The following ZBTB20 variants were observed in gnomAD, a reference collection of about 807,000 sequenced individuals.
ZBTB20 encodes zinc finger and BTB domain containing 20.
In ZBTB20, 9 loss-of-function variants were observed where a neutral mutation model predicts 56.9. The observed-to-expected ratio is 0.16, with a 90% CI of 0.10 to 0.28. The LOEUF (loss-of-function observed/expected upper bound fraction) is 0.28, where lower values mean the gene tolerates loss of function less well. Among genes scored for constraint, ZBTB20 ranks in the 10% least tolerant of loss-of-function variants. The probability of loss-of-function intolerance (pLI) is 1.00; values close to 1 mark genes in which losing one functional copy is unlikely to be tolerated. For synonymous variants in ZBTB20, 417 were observed against 420.7 expected (o/e 0.99, Z 0.11); for missense variants, 655 against 1,003.0 (o/e 0.65, Z 4.69).
intron 1 of ZBTB20, chr3:115,100,669 A>G (rs2083555131): frequency 6.6e-6 from 1 of 152,240 alleles, no homozygotes; most frequent in Non-Finnish European, 1.5e-5. Flanking sequence ...TTTATGCTCC[A>G]TTATGAGGAA....
At chr3:114,770,701 T>C (rs2702169) in intron 5 of ZBTB20, among the ~76,000 whole-genome samples, 2,019 of 152,326 alleles carry the variant, frequency 0.013, 53 homozygotes, top group African/African-American at 0.044. Flanking sequence ...GTAAAGTGTA[T>C]TGTATCATAC....
intron 11 of ZBTB20, among the ~76,000 whole-genome samples, chr3:114,344,088 G>T (rs564492344): frequency 1.3e-5 from 2 of 152,108 alleles, no homozygotes; most frequent in Admixed American, 1.3e-4. Context: ...AGATATCAGC[G>T]GTGTGATTGC....
At chr3:115,115,028 C>T (rs544485397) in intron 1 of ZBTB20, among the ~76,000 whole-genome samples, 1 of 152,198 alleles carries the variant, frequency 6.6e-6, no homozygotes, top group African/African-American at 2.4e-5. Context: ...CATTCTCCAT[C>T]TTATTACAAA....
intron 6 of ZBTB20, among the ~76,000 whole-genome samples, chr3:114,641,310 T>C (rs2059545671): frequency 6.6e-6 from 1 of 151,926 alleles, no homozygotes; most frequent in Non-Finnish European, 1.5e-5. Flanking sequence ...TGGACATTGA[T>C]GGCCTGCAAA....
chr3:114,869,513 A>C (rs6795818), intron 4 of ZBTB20, among the ~76,000 whole-genome samples: 3 of 152,170 alleles, frequency 2.0e-5, no homozygotes, highest in African/African-American at 7.2e-5. Flanking sequence ...TAGTAATACT[A>C]GATTAAGTAC....
chr3:114,981,905 T>C (rs892001361), intron 2 of ZBTB20, among the ~76,000 whole-genome samples: 2 of 152,054 alleles, frequency 1.3e-5, no homozygotes, highest in Non-Finnish European at 2.9e-5. Context: ...AACACAAGTC[T>C]ACTTCTTCAC....
intron 7 of ZBTB20, among the ~76,000 whole-genome samples, chr3:114,399,020 T>G (rs916082678): frequency 1.3e-5 from 2 of 152,140 alleles, no homozygotes; most frequent in African/African-American, 4.8e-5. Context: ...GCAGGTTGTC[T>G]CGGGCTAGTG....
At chr3:114,865,845 G>A (rs373500134) in intron 4 of ZBTB20, among the ~76,000 whole-genome samples, 173 of 152,160 alleles carry the variant, frequency 1.1e-3, no homozygotes, top group Non-Finnish European at 1.6e-3. Context: ...ATGTGACTCC[G>A]GGAAAGATAC....
chr3:114,573,517 G>A (rs2053667562), intron 6 of ZBTB20, among the ~76,000 whole-genome samples: 2 of 113,612 alleles, frequency 1.8e-5, no homozygotes, highest in Admixed American at 8.9e-5. Context: ...AGAAAAGAAA[G>A]AAACAGAGAG....
chr3:114,677,223 T>C (rs1039561438), intron 6 of ZBTB20, among the ~76,000 whole-genome samples: 1 of 152,188 alleles, frequency 6.6e-6, no homozygotes, highest in African/African-American at 2.4e-5. Flanking sequence ...TTAGTAAATA[T>C]ATTTGGTCTT....
At chr3:114,985,193 C>T (rs912769076) in intron 2 of ZBTB20, among the ~76,000 whole-genome samples, 1 of 152,118 alleles carries the variant, frequency 6.6e-6, no homozygotes, top group Non-Finnish European at 1.5e-5. Context: ...TCTGCCAAAT[C>T]ACTTGCCCCT....
At chr3:115,132,121 T>C (rs1176620029) in intron 1 of ZBTB20, among the ~76,000 whole-genome samples, 1 of 152,208 alleles carries the variant, frequency 6.6e-6, no homozygotes, top group Non-Finnish European at 1.5e-5. Context: ...TTATATAATT[T>C]ATTAACTTTG....
At chr3:114,550,853 C>A (rs961701018) in intron 6 of ZBTB20, among the ~76,000 whole-genome samples, 52 of 152,080 alleles carry the variant, frequency 3.4e-4, no homozygotes, top group African/African-American at 1.1e-3. Flanking sequence ...TGGGTTCAAG[C>A]GATTCTCGTG....
intron 5 of ZBTB20, among the ~76,000 whole-genome samples, chr3:114,762,534 G>T (rs549760481): frequency 2.6e-5 from 4 of 152,296 alleles, no homozygotes; most frequent in East Asian, 3.9e-4. Context: ...GCTGCAAGGA[G>T]GCTCTCTTCA....
chr3:115,039,082 CT>C (rs1344122045), intron 2 of ZBTB20, among the ~76,000 whole-genome samples: 1 of 151,862 alleles, frequency 6.6e-6, no homozygotes, highest in Non-Finnish European at 1.5e-5. Flanking sequence ...GATATGGGTA[CT>C]GAAAAATTCC....
chr3:114,462,121 G>A (rs972492278), intron 7 of ZBTB20, among the ~76,000 whole-genome samples: 4 of 152,100 alleles, frequency 2.6e-5, no homozygotes, highest in African/African-American at 9.7e-5. Flanking sequence ...ACAACCTCAG[G>A]GTTATTATTG....
At chr3:115,038,176 T>C (rs1269951872) in intron 2 of ZBTB20, among the ~76,000 whole-genome samples, 4 of 152,196 alleles carry the variant, frequency 2.6e-5, no homozygotes, top group African/African-American at 9.6e-5. Context: ...GTCAAAGACC[T>C]ACAGGGAAAA....
At chr3:114,693,853 C>T (rs1041953796) in intron 5 of ZBTB20, among the ~76,000 whole-genome samples, 1 of 152,008 alleles carries the variant, frequency 6.6e-6, no homozygotes, top group Non-Finnish European at 1.5e-5. Flanking sequence ...TTCACTGTAA[C>T]TTGTGTTGAG....
intron 6 of ZBTB20, among the ~76,000 whole-genome samples, chr3:114,633,803 A>G (rs906695619): frequency 2.0e-5 from 3 of 152,188 alleles, no homozygotes; most frequent in Non-Finnish European, 4.4e-5. Context: ...TTTAGGCCAC[A>G]TTTTTGTTTC....
Sources: allele counts gnomAD v4.1 joint callset (sites outside exome capture counted in the v4.1 genomes callset), GRCh38; gene constraint gnomAD v4.1.1; transcripts MANE v1.5; gene names NCBI Gene and HGNC (gene_info 2026-07-23, HGNC 2026-07-21).